The following MACF1 variants were observed in gnomAD, a reference collection of about 807,000 sequenced individuals.
The protein encoded by MACF1 is microtubule-actin cross-linking factor 1.
A neutral mutation model predicts 854.8 loss-of-function variants in MACF1; 193 were observed. The observed-to-expected ratio is 0.23, with a 90% CI of 0.20 to 0.25. The LOEUF (loss-of-function observed/expected upper bound fraction) is 0.25, where lower values mean the gene tolerates loss of function less well. MACF1 is among the 10% of genes least tolerant of loss of function. The pLI is 1.00. For synonymous variants in MACF1, 3,185 were observed against 3,226.7 expected (o/e 0.99, Z 0.44); for missense variants, 7,722 against 8,929.1 (o/e 0.86, Z 5.45).
chr1:39,162,174 G>C (rs1327178836), intron 2 of MACF1, among the ~76,000 whole-genome samples: 3 of 151,684 alleles, frequency 2.0e-5, no homozygotes, highest in East Asian at 3.9e-4. Context: ...CTAATTTTTT[G>C]TATTTTTAGT....
chr1:39,269,706 T>G, intron 6 of MACF1: 1 of 1,289,606 alleles, frequency 7.8e-7, no homozygotes, highest in Non-Finnish European at 1.0e-6. Flanking sequence ...CACCCCATCA[T>G]GGGGTCTGGA....
chr1:39,210,105 A>G (rs1207012719), intron 1 of MACF1, among the ~76,000 whole-genome samples: 1 of 151,986 alleles, frequency 6.6e-6, no homozygotes, highest in Admixed American at 6.6e-5. Context: ...AAAAAAAAAA[A>G]AAAGACTTAC....
At chr1:39,340,403 G>C in intron 38 of MACF1, 99 bp from the exon 39 acceptor site, 1 of 794,894 alleles carries the variant, frequency 1.3e-6, no homozygotes, top group Non-Finnish European at 2.1e-6. Flanking sequence ...AAGCCCTAAA[G>C]TGTGTGTAGA....
intron 51 of MACF1, among the ~76,000 whole-genome samples, chr1:39,370,663 C>T (rs1649146232): frequency 6.6e-6 from 1 of 152,146 alleles, no homozygotes; most frequent in African/African-American, 2.4e-5. Context: ...CTGTCATGCA[C>T]TTATCCTTAT....
Position 39,472,867 on chromosome 1 carries a change from G to A in MACF1, c.21958+3252G>A, listed in dbSNP as rs142291917. ...TAAAGTAAGCCATTATTTTTCACTT[G>A]AGTTTAGACCTTCTTAATGAGGCCT... On this transcript the variant is annotated intron_variant, in intron 97 of 100. Transcript: ENST00000564288. Among the ~76,000 whole-genome samples the A allele has an allele frequency of 4.6e-5, 7 of 152,316 alleles. No homozygotes were observed. In the East Asian group the frequency reaches 1.3e-3, roughly 29 times the overall value.
chr1:39,355,247 A>G (rs1569662823), intron 44 of MACF1, among the ~76,000 whole-genome samples: 1 of 152,134 alleles, frequency 6.6e-6, no homozygotes, highest in Non-Finnish European at 1.5e-5. Context: ...TTCTGCTGTC[A>G]TAGGGCTCCT....
At chr1:39,348,448 T>C (rs977298210) in intron 41 of MACF1, among the ~76,000 whole-genome samples, 1 of 152,258 alleles carries the variant, frequency 6.6e-6, no homozygotes, top group African/African-American at 2.4e-5. Context: ...AATGCTCTGC[T>C]TCTCTCAATA....
intron 28 of MACF1, 79 bp downstream of exon 28, chr1:39,316,608 T>C: frequency 7.0e-7 from 1 of 1,435,318 alleles, no homozygotes; most frequent in Non-Finnish European, 9.5e-7. Flanking sequence ...CAATTTTGGA[T>C]GGCATGACAC....
intron 41 of MACF1, among the ~76,000 whole-genome samples, chr1:39,347,954 T>C (rs1647094140): frequency 6.6e-6 from 1 of 152,174 alleles, no homozygotes; most frequent in Non-Finnish European, 1.5e-5. Context: ...ATCAAAACCT[T>C]AGAATACCCA....
intron 97 of MACF1, among the ~76,000 whole-genome samples, chr1:39,475,997 G>A (rs1420753823): frequency 6.6e-6 from 1 of 152,138 alleles, no homozygotes; most frequent in African/African-American, 2.4e-5. Flanking sequence ...AAACAAGAGA[G>A]CAGTGTGTAG....
At chr1:39,112,156 A>AGCT (rs1203776351) in intron 2 of MACF1, among the ~76,000 whole-genome samples, 3 of 146,230 alleles carry the variant, frequency 2.1e-5, no homozygotes, top group East Asian at 4.1e-4. Flanking sequence ...GCATGATCTC[A>AGCT]GCTCACTGCA....
intron 2 of MACF1, among the ~76,000 whole-genome samples, chr1:39,108,350 C>T (rs1359012530): frequency 6.6e-6 from 1 of 151,946 alleles, no homozygotes; most frequent in East Asian, 1.9e-4. Context: ...GGTTCCTGCC[C>T]TTGGTTATTC....
chr1:39,332,826 G>T lies in MACF1; in HGVS notation c.6238G>T (p.Asp2080Tyr). The T allele has an allele frequency of 6.2e-7, 1 of 1,614,046 alleles. No homozygotes were observed. The highest frequency in any genetic ancestry group is 8.5e-7 in the Non-Finnish European group (1 of 1,180,008). The change falls in exon 37 of 101, where the codon GAT (aspartate) becomes TAT (tyrosine). Residue 2080 changes from aspartate (D) to tyrosine (Y), a missense_variant. Asp to Tyr is a radical substitution (Grantham distance 160, BLOSUM62 -3). Coordinates refer to ENST00000564288, the MANE Select transcript of MACF1 (RefSeq NM_001394062.1). ...TTCTTCTGTAGAGAACCCTGAACAG[G>T]ATCTGTTTGTAGAACAAAAAGAGAG... is the stretch of plus-strand genomic sequence containing the variant. ...EDSSVENPEQDLFVEQKERNP... is the reference protein window; with the variant it reads ...EDSSVENPEQYLFVEQKERNP...
intron 26 of MACF1, among the ~76,000 whole-genome samples, chr1:39,312,295 T>A (rs1033295243): frequency 6.6e-6 from 1 of 152,206 alleles, no homozygotes; most frequent in Non-Finnish European, 1.5e-5. Flanking sequence ...ATTTCAGATA[T>A]ATAGAAAAGT....
chr1:39,378,346 G>A (rs928935416), intron 52 of MACF1, 115 bp from the exon 53 acceptor site: 1 of 700,826 alleles, frequency 1.4e-6, no homozygotes, highest in South Asian at 1.6e-5. Flanking sequence ...GTCTTGTGCT[G>A]TGTTAACTTC....
intron 97 of MACF1, among the ~76,000 whole-genome samples, chr1:39,476,443 C>T (rs908642586): frequency 5.3e-5 from 8 of 151,954 alleles, no homozygotes; most frequent in African/African-American, 1.9e-4. Context: ...GGTGGCCACG[C>T]GCCTGCAGTC....
At chr1:39,351,651 A>G (rs910780032) in intron 43 of MACF1, among the ~76,000 whole-genome samples, 3 of 146,490 alleles carry the variant, frequency 2.0e-5, no homozygotes, top group African/African-American at 7.7e-5. Flanking sequence ...CAGTGGTGCA[A>G]TCTCAGCTCA....
chr1:39,418,550 T>G (rs1643415052), intron 58 of MACF1, among the ~76,000 whole-genome samples: 2 of 152,190 alleles, frequency 1.3e-5, no homozygotes, highest in African/African-American at 4.8e-5. Context: ...AAAGAATCAG[T>G]CAGGATAAAA....
chr1:39,221,767 C>G (rs776168386), intron 1 of MACF1, among the ~76,000 whole-genome samples: 13 of 152,176 alleles, frequency 8.5e-5, no homozygotes, highest in Non-Finnish European at 7.3e-5. Context: ...TGCCCTAATT[C>G]ATGCTATTTC....
Sources: gnomAD v4.1 joint callset for allele counts (sites outside exome capture counted in the v4.1 genomes callset) on GRCh38, gnomAD v4.1.1 for gene constraint, MANE v1.5 for transcripts, NCBI Gene and HGNC (gene_info 2026-07-23, HGNC 2026-07-21) for gene names.